TIMD4: variants seen among roughly 807,000 people sequenced by gnomAD.
TIMD4 encodes the protein T-cell immunoglobulin and mucin domain-containing protein 4.
Under a neutral mutation model 41.2 loss-of-function variants are expected in TIMD4, and 31 were observed. The observed-to-expected ratio is 0.75, with a 90% CI of 0.57 to 1.01. TIMD4 has a LOEUF of 1.01. Ranked by LOEUF, TIMD4 falls within the 50% of genes least tolerant of loss-of-function variation. The pLI, the probability that TIMD4 is intolerant of heterozygous loss-of-function variation, is 0.00. For synonymous variants in TIMD4, 204 were observed against 177.1 expected (o/e 1.15, Z -1.21); for missense variants, 479 against 472.5 (o/e 1.01, Z -0.13).
Position 156,944,599 on chromosome 5 carries a change from G to C in TIMD4, c.844+3817C>G, listed in dbSNP as rs183498991. On this transcript the variant is annotated intron_variant, in intron 5 of 8. Transcript: ENST00000274532. ...GGCTCACTGCAAGCTCCGCCTCCTGGGTTCACACCATTCTCCTGCCTCAGC... is the reference window on the plus strand; with the variant it reads ...GGCTCACTGCAAGCTCCGCCTCCTGCGTTCACACCATTCTCCTGCCTCAGC... Among the ~76,000 whole-genome samples, 722 of 151,090 alleles carry C rather than the reference G, an allele frequency of 4.8e-3. 7 individuals are homozygous for C. The highest frequency in any genetic ancestry group is 0.016 in the African/African-American group (676 of 40,996).
At chr5:156,952,466 C>T (rs1759881534) in intron 2 of TIMD4, among the ~76,000 whole-genome samples, 1 of 152,090 alleles carries the variant, frequency 6.6e-6, no homozygotes, top group South Asian at 2.1e-4. Flanking sequence ...CCCGCCCCCG[C>T]TATCACTTTT....
intron 1 of TIMD4, among the ~76,000 whole-genome samples, chr5:156,956,357 G>C (rs994934409): frequency 1.3e-5 from 2 of 152,204 alleles, no homozygotes; most frequent in Admixed American, 6.5e-5. Context: ...GGAGGGTAAG[G>C]TTTACTGCAT....
intron 6 of TIMD4, among the ~76,000 whole-genome samples, chr5:156,925,835 C>T (rs376979489): frequency 7.2e-5 from 11 of 152,144 alleles, no homozygotes; most frequent in African/African-American, 1.7e-4. Context: ...ATGAATTTTG[C>T]GACAGCAATA....
intron 8 of TIMD4, 81 bp from the exon 9 acceptor site, chr5:156,919,622 G>T: frequency 8.8e-7 from 1 of 1,139,802 alleles, no homozygotes; most frequent in Non-Finnish European, 1.3e-6. Flanking sequence ...AAGTTACAGT[G>T]CAATTACCCT....
At chr5:156,923,143 A>ATTTTTTTTTTTTTTTTTT in intron 6 of TIMD4, among the ~76,000 whole-genome samples, 1 of 135,048 alleles carries the variant, frequency 7.4e-6, no homozygotes, top group Non-Finnish European at 1.6e-5. Flanking sequence ...CTGGGATTAA[A>ATTTTTTTTTTTTTTTTTT]TTTTTTTTTT....
At chr5:156,921,538 T>C (rs937901124) in intron 7 of TIMD4, among the ~76,000 whole-genome samples, 1 of 139,934 alleles carries the variant, frequency 7.1e-6, no homozygotes, top group African/African-American at 2.7e-5. Flanking sequence ...GAGAATCACT[T>C]GAACCCAGGA....
chr5:156,931,598 G>A (rs1759445502), intron 5 of TIMD4, among the ~76,000 whole-genome samples: 1 of 152,194 alleles, frequency 6.6e-6, no homozygotes, highest in Non-Finnish European at 1.5e-5. Flanking sequence ...AGGATTACAG[G>A]TTAGATCTCT....
intron 1 of TIMD4, among the ~76,000 whole-genome samples, chr5:156,956,305 G>T (rs1254529741): frequency 6.6e-6 from 1 of 152,108 alleles, no homozygotes; most frequent in Non-Finnish European, 1.5e-5. Flanking sequence ...GGAACCACAG[G>T]AATTATCTAA....
At chr5:156,920,900 C>T (rs1238188747) in intron 7 of TIMD4, among the ~76,000 whole-genome samples, 3 of 152,158 alleles carry the variant, frequency 2.0e-5, no homozygotes, top group Non-Finnish European at 4.4e-5. Flanking sequence ...TTTGCTTTTG[C>T]ACCTGGGGCA....
chr5:156,921,616 CAAAAAAAAAAAAAAAAA>C lies in TIMD4; in HGVS notation c.1012+466_1012+482del, dbSNP rs66842169. On this transcript the variant is annotated intron_variant, in intron 7 of 8. Coordinates refer to ENST00000274532, the MANE Select transcript of TIMD4 (RefSeq NM_138379.3). Reference sequence around the variant, plus strand: ...CCTGGACAACAGAATGAGACTCTCTCAAAAAAAAAAAAAAAAAAAAAAAAAAAAAAGAAGAAGAAAAC... The same window carrying C: ...CCTGGACAACAGAATGAGACTCTCTCAAAAAAAAAAAAAGAAGAAGAAAAC... Among the ~76,000 whole-genome samples the C allele has an allele frequency of 2.1e-4, 10 of 47,270 alleles. No homozygotes were observed. In the East Asian group the frequency reaches 2.9e-3, roughly 14 times the overall value. 31.0% of individuals were successfully genotyped at this position (47,270 alleles called of 152,430 possible). A position where few individuals can be genotyped will look rare whatever the true frequency, so the allele number is the denominator to read the frequency against.
chr5:156,958,404 C>T (rs1259523485), intron 1 of TIMD4, among the ~76,000 whole-genome samples: 1 of 150,128 alleles, frequency 6.7e-6, no homozygotes, highest in Non-Finnish European at 1.5e-5. Flanking sequence ...AATAGAGAAA[C>T]TAGCAGAGGA....
At position 156,951,758 on chromosome 5, in the gene TIMD4, T is replaced by C. The variant is rs143931102; in HGVS notation, c.433A>G (p.Thr145Ala). ...STTTHRTATT[T>A]TRRTTTTSPT... ...CTTGTTGTTGTTGTTCTGCGTGTGGTGGTGGTTGCTGTTCTGTGCGTGGTT... is the reference window on the plus strand; with the variant it reads ...CTTGTTGTTGTTGTTCTGCGTGTGGCGGTGGTTGCTGTTCTGTGCGTGGTT... The change falls in exon 3 of 9, where the codon ACC becomes GCC. Residue 145 changes from threonine (T) to alanine (A), a missense_variant. Physicochemically the swap from Thr to Ala is moderately conservative, Grantham distance 58. Transcript: ENST00000274532. The C allele has an allele frequency of 1.9e-6, 3 of 1,614,032 alleles. No homozygotes were observed. Among genetic ancestry groups the C allele is most frequent in the Non-Finnish European group, 1.7e-6 (2 of 1,179,982 alleles).
At chr5:156,953,372 T>A (rs540536717) in intron 2 of TIMD4, among the ~76,000 whole-genome samples, 7 of 152,116 alleles carry the variant, frequency 4.6e-5, no homozygotes, top group Admixed American at 3.9e-4. Context: ...CTTGAGAATA[T>A]AGGCCGGGTG....
Position 156,920,473 on chromosome 5 carries a change from T to A in TIMD4, c.1043A>T (p.Lys348Ile), listed in dbSNP as rs1448152867. 1.6e-5 allele frequency: 26 copies of A among 1,614,002 alleles called. No individual in the cohort carries two copies. The highest frequency in any genetic ancestry group is 2.0e-5 in the Non-Finnish European group (24 of 1,179,972). The stretch of plus-strand genomic sequence containing the variant: ...ATGCAAGATAGATTACCTTGTGTGT[T>A]TCTGCGAACAATAGGTTTCCATGAG... ...GKLMETYCSQ[K>I]HTRLDYIGDS... Residue 348 changes from lysine (K) to isoleucine (I), a missense_variant, in exon 8 of 9, where the codon AAA becomes ATA. Transcript: ENST00000274532.
intron 4 of TIMD4, 24 bp downstream of exon 4, chr5:156,949,627 C>G (rs371424261): frequency 1.7e-5 from 27 of 1,580,750 alleles, no homozygotes; most frequent in Non-Finnish European, 2.2e-5. Flanking sequence ...TGAGGGAGGA[C>G]AGAGAGAGTG....
At chr5:156,944,093 A>ATTTT (rs1759694101) in intron 5 of TIMD4, among the ~76,000 whole-genome samples, 1 of 151,978 alleles carries the variant, frequency 6.6e-6, no homozygotes, top group Non-Finnish European at 1.5e-5. Context: ...AAATAAAATT[A>ATTTT]ATCCCATAGG....
intron 6 of TIMD4, among the ~76,000 whole-genome samples, chr5:156,923,950 ACC>A (rs1759300527): frequency 6.6e-6 from 1 of 150,832 alleles, no homozygotes; most frequent in Non-Finnish European, 1.5e-5. Flanking sequence ...TGATCCTCCC[ACC>A]CCAGCCTCCC....
At chr5:156,928,949 G>A (rs533169276) in intron 5 of TIMD4, among the ~76,000 whole-genome samples, 2 of 152,298 alleles carry the variant, frequency 1.3e-5, no homozygotes, top group South Asian at 2.1e-4. Flanking sequence ...TTTTGTCAGA[G>A]CTAATCTGTA....
At chr5:156,943,721 G>C (rs1287093204) in intron 5 of TIMD4, among the ~76,000 whole-genome samples, 1 of 151,928 alleles carries the variant, frequency 6.6e-6, no homozygotes, top group African/African-American at 2.4e-5. Flanking sequence ...GAGAAACTGG[G>C]GGCCATTTCA....
Sources: gnomAD v4.1 joint callset for allele counts (sites outside exome capture counted in the v4.1 genomes callset) on GRCh38, gnomAD v4.1.1 for gene constraint, MANE v1.5 for transcripts, NCBI Gene and HGNC (gene_info 2026-07-23, HGNC 2026-07-21) for gene names.